PCGF6: variants seen among roughly 807,000 people sequenced by gnomAD.
PCGF6 encodes the protein polycomb group RING finger protein 6.
PCGF6 carries 24 observed loss-of-function variants against 45.5 expected under a neutral mutation model. The ratio of observed to expected loss-of-function variants is 0.53; its 90% CI spans 0.38 to 0.74. The LOEUF (loss-of-function observed/expected upper bound fraction) is 0.74. Ranked by LOEUF, PCGF6 falls within the 30% of genes least tolerant of loss-of-function variation. PCGF6 has a pLI of 0.00. For synonymous variants in PCGF6, 152 were observed against 162.1 expected (o/e 0.94, Z 0.47); for missense variants, 356 against 443.2 (o/e 0.80, Z 1.77).
chr10:103,309,981 T>C (rs1408399910), intron 9 of PCGF6, among the ~76,000 whole-genome samples: 4 of 151,562 alleles, frequency 2.6e-5, no homozygotes, highest in Non-Finnish European at 5.9e-5. Context: ...GACAGAGTTT[T>C]GCTGTTGTTG....
intron 8 of PCGF6, among the ~76,000 whole-genome samples, chr10:103,314,954 T>TAAAAAAAAAAAAAA (rs60182387): frequency 1.7e-5 from 1 of 57,186 alleles, no homozygotes. Context: ...GACTCTGTCA[T>TAAAAAAAAAAAAAA]AAAAAAAAAA....
chr10:103,322,905 A>G (rs1318295093), intron 8 of PCGF6, among the ~76,000 whole-genome samples: 4 of 150,058 alleles, frequency 2.7e-5, no homozygotes, highest in Non-Finnish European at 5.9e-5. Flanking sequence ...ACAAAAAACA[A>G]AAAAAAAAAC....
At chr10:103,347,564 GTTACTT>G in intron 3 of PCGF6, 114 bp from the exon 4 acceptor site, 1 of 804,034 alleles carries the variant, frequency 1.2e-6, no homozygotes, top group African/African-American at 1.7e-5. Flanking sequence ...TCAGAGGTGA[GTTACTT>G]TTAAGTAGCA....
intron 8 of PCGF6, among the ~76,000 whole-genome samples, chr10:103,321,274 A>G (rs1340726427): frequency 6.6e-6 from 1 of 152,156 alleles, no homozygotes; most frequent in African/African-American, 2.4e-5. Context: ...AGTAGCTGGG[A>G]TTACAGGTAT....
intron 6 of PCGF6, among the ~76,000 whole-genome samples, chr10:103,342,447 T>C (rs1407475651): frequency 6.6e-6 from 1 of 152,064 alleles, no homozygotes; most frequent in Non-Finnish European, 1.5e-5. Context: ...TTGGTCAGGG[T>C]GATCTTGAAC....
At chr10:103,321,518 C>T (rs1205714389) in intron 8 of PCGF6, among the ~76,000 whole-genome samples, 1 of 152,044 alleles carries the variant, frequency 6.6e-6, no homozygotes, top group Non-Finnish European at 1.5e-5. Flanking sequence ...TCGAGATCAT[C>T]CTGGCTAAAT....
At chr10:103,306,103 T>C (rs1478148633) in intron 9 of PCGF6, among the ~76,000 whole-genome samples, 1 of 103,284 alleles carries the variant, frequency 9.7e-6, no homozygotes. Flanking sequence ...GCAATCCACC[T>C]TTTTTTTTTT....
chr10:103,349,528 T>G lies in PCGF6; in HGVS notation c.361-529A>C, dbSNP rs1263321278. Among the ~76,000 whole-genome samples, 3 of 120,716 alleles carry G rather than the reference T, an allele frequency of 2.5e-5. No individual in the cohort carries two copies. In the Admixed American group the frequency reaches 3.2e-4, roughly 13 times the overall value. 79.2% of individuals were successfully genotyped at this position (120,716 alleles called of 152,430 possible). A position where few individuals can be genotyped will look rare whatever the true frequency, so the allele number is the denominator to read the frequency against. Reference sequence around the variant, plus strand: ...GGGAGTCTGCCTCTGTCGCCCAGACTGGAGTGCAGCGGCAAGATCTCGGCT... The same window carrying G: ...GGGAGTCTGCCTCTGTCGCCCAGACGGGAGTGCAGCGGCAAGATCTCGGCT... On this transcript the variant is annotated intron_variant, in intron 1 of 9. Coordinates refer to ENST00000369847, the MANE Select transcript of PCGF6 (RefSeq NM_001011663.2).
At chr10:103,327,485 C>T (rs2093223042) in intron 7 of PCGF6, among the ~76,000 whole-genome samples, 1 of 152,016 alleles carries the variant, frequency 6.6e-6, no homozygotes, top group Non-Finnish European at 1.5e-5. Flanking sequence ...TTAAGTAGTA[C>T]ATGAATATCT....
intron 7 of PCGF6, among the ~76,000 whole-genome samples, chr10:103,327,201 C>T (rs2093221983): frequency 6.6e-6 from 1 of 152,132 alleles, no homozygotes; most frequent in Non-Finnish European, 1.5e-5. Context: ...AGGAGAATCG[C>T]TTGAACCTGG....
At position 103,351,132 on chromosome 10, in the gene PCGF6, G is replaced by A; in HGVS notation, c.-66C>T. The A allele has an allele frequency of 2.3e-6, 3 of 1,313,730 alleles. No homozygotes were observed. Among genetic ancestry groups the A allele is most frequent in the South Asian group, 2.4e-5 (1 of 41,202 alleles). The allele number at this position is 1,313,730 out of a possible 1,614,324, so 81.4% of individuals were successfully genotyped here. ...CGCGGGAGTTCGGCCGGCCTCGGAC[G>A]CCACCACTGCGCAGGCGCGGCAGCC... On this transcript the variant is annotated 5_prime_UTR_variant, in exon 1 of 10. Coordinates refer to ENST00000369847, the MANE Select transcript of PCGF6 (RefSeq NM_001011663.2).
At chr10:103,333,885 G>C (rs1411957602) in intron 7 of PCGF6, 40 bp downstream of exon 7, 8 of 1,496,604 alleles carry the variant, frequency 5.3e-6, no homozygotes, top group Non-Finnish European at 7.2e-6. Context: ...GTGTGCTACA[G>C]AGTCCTCTTG....
intron 9 of PCGF6, among the ~76,000 whole-genome samples, chr10:103,313,328 G>C (rs565187224): frequency 6.6e-6 from 1 of 152,318 alleles, no homozygotes; most frequent in Non-Finnish European, 1.5e-5. Flanking sequence ...CCTTTGGGAG[G>C]CCAAGGTGGG....
Position 103,351,057 on chromosome 10 carries a change from C to T in PCGF6, c.10G>A (p.Val4Ile). 7.2e-7 allele frequency: 1 copy of T among 1,392,010 alleles called. No homozygotes were observed. The highest frequency in any genetic ancestry group is 1.8e-5 in the South Asian group (1 of 56,916). 86.2% of individuals were successfully genotyped at this position (1,392,010 alleles called of 1,614,324 possible). Residue 4 changes from valine (V) to isoleucine (I), a missense_variant, in exon 1 of 10, where the codon GTC (valine) becomes ATC (isoleucine). Physicochemically the swap from Val to Ile is conservative, Grantham distance 29. Coordinates refer to ENST00000369847, the MANE Select transcript of PCGF6 (RefSeq NM_001011663.2). MEGVAVVTAGSVGA... is the reference protein window; with the variant it reads MEGIAVVTAGSVGA... ...ACGCTGCCCGCCGTCACCACCGCGACCCCCTCCATGGTCGGGAGAGACACC... is the reference window on the plus strand; with the variant it reads ...ACGCTGCCCGCCGTCACCACCGCGATCCCCTCCATGGTCGGGAGAGACACC...
intron 8 of PCGF6, among the ~76,000 whole-genome samples, chr10:103,323,380 T>C (rs1265928946): frequency 6.6e-6 from 1 of 152,066 alleles, no homozygotes; most frequent in Non-Finnish European, 1.5e-5. Context: ...CACTGCAACC[T>C]CCGCCTCCTG....
intron 8 of PCGF6, among the ~76,000 whole-genome samples, chr10:103,315,096 C>G (rs1435702011): frequency 6.6e-6 from 1 of 151,654 alleles, no homozygotes. Context: ...ACAACACTGA[C>G]TTGAAGTTCA....
At chr10:103,349,041 C>A in intron 1 of PCGF6, 42 bp from the exon 2 acceptor site, 1 of 1,503,960 alleles carries the variant, frequency 6.6e-7, no homozygotes, top group Non-Finnish European at 9.1e-7. Context: ...AAGTCCTTGC[C>A]TTTTACAAAT....
chr10:103,345,252 A>C, intron 5 of PCGF6, 120 bp from the exon 6 acceptor site: 1 of 683,494 alleles, frequency 1.5e-6, no homozygotes. Flanking sequence ...AAACCACTCA[A>C]TCTCCCTGTC....
chr10:103,350,753 G>C lies in PCGF6; in HGVS notation c.314C>G (p.Ser105Trp). The C allele has an allele frequency of 6.4e-7, 1 of 1,557,590 alleles. No individual in the cohort carries two copies. The highest frequency in any genetic ancestry group is 8.7e-7 in the Non-Finnish European group (1 of 1,152,066). The change falls in exon 1 of 10, where the codon TCG becomes TGG. Residue 105 changes from serine to tryptophan, a missense_variant. Coordinates refer to ENST00000369847, the MANE Select transcript of PCGF6 (RefSeq NM_001011663.2). ...CTGCCGGCCTCCCTCCAGCCTCAAC[G>C]AGAAGTGACTCATGTCCTCCTCCTC... is the stretch of plus-strand genomic sequence containing the variant. ...EEEEEDMSHF[S>W]LRLEGGRQDS...
Sources: gnomAD v4.1 joint callset for allele counts (sites outside exome capture counted in the v4.1 genomes callset) on GRCh38, gnomAD v4.1.1 for gene constraint, MANE v1.5 for transcripts, NCBI Gene and HGNC (gene_info 2026-07-23, HGNC 2026-07-21) for gene names.